BLTP1: variants seen among roughly 807,000 people sequenced by gnomAD.
The protein encoded by BLTP1 is bridge-like lipid transfer protein family member 1.
chr4:122,344,406 C>G, the BLTP1 span: 1 of 1,613,828 alleles, frequency 6.2e-7, no homozygotes, highest in Non-Finnish European at 8.5e-7. Context: ...GAGCCCACTT[C>G]AGTCACTGGT....
chr4:122,260,263 T>G, the BLTP1 span, among the ~76,000 whole-genome samples: 1 of 152,232 alleles, frequency 6.6e-6, no homozygotes, highest in Non-Finnish European at 1.5e-5. Context: ...TATAATCTTA[T>G]GGGTTCACTG....
chr4:122,271,767 A>G, the BLTP1 span: 35 of 1,261,260 alleles, frequency 2.8e-5, 1 homozygote, highest in Non-Finnish European at 3.8e-5. Context: ...ATTTACAATA[A>G]CAATAATACC....
the BLTP1 span, chr4:122,306,697 C>A: frequency 1.1e-6 from 1 of 945,358 alleles, no homozygotes; most frequent in Non-Finnish European, 1.3e-6. Flanking sequence ...TGTGTTTAAA[C>A]ACATAAGTCT....
the BLTP1 span, chr4:122,325,133 CAAATA>C: frequency 3.2e-4 from 393 of 1,231,412 alleles, 1 homozygote; most frequent in African/African-American, 5.6e-3. Flanking sequence ...TAAATACTTA[CAAATA>C]AAATGTCATT....
At chr4:122,160,196 A>G in the BLTP1 span, among the ~76,000 whole-genome samples, 1 of 152,194 alleles carries the variant, frequency 6.6e-6, no homozygotes. Context: ...TGTAATATTC[A>G]TAGGTCCTGC....
chr4:122,325,260 A>G, the BLTP1 span: 1 of 1,609,642 alleles, frequency 6.2e-7, no homozygotes, highest in Non-Finnish European at 8.5e-7. Context: ...AAGAGCTCCC[A>G]GAAATCCGTG....
the BLTP1 span, chr4:122,305,464 T>C: frequency 1.0e-6 from 1 of 973,096 alleles, no homozygotes; most frequent in East Asian, 1.1e-4. Flanking sequence ...AATTATTATG[T>C]AGATTTTAAT....
At chr4:122,152,597 G>C in the BLTP1 span, 11 of 985,538 alleles carry the variant, frequency 1.1e-5, no homozygotes, top group African/African-American at 3.5e-5. Flanking sequence ...GAGGGGATGG[G>C]CCGGGCCAGA....
the BLTP1 span, chr4:122,199,795 C>T: frequency 1.0e-5 from 4 of 386,932 alleles, no homozygotes; most frequent in Non-Finnish European, 1.4e-5. Flanking sequence ...GTTTTCTAGC[C>T]CCGCTGGATT....
At chr4:122,274,263 A>G in the BLTP1 span, 3 of 849,868 alleles carry the variant, frequency 3.5e-6, no homozygotes, top group East Asian at 2.8e-5. Context: ...TGAATATATT[A>G]TGAATAAAAT....
At chr4:122,222,166 G>T in the BLTP1 span, among the ~76,000 whole-genome samples, 1 of 152,108 alleles carries the variant, frequency 6.6e-6, no homozygotes, top group African/African-American at 2.4e-5. Context: ...GAATTTGCTT[G>T]TCTACTTACC....
the BLTP1 span, chr4:122,239,409 G>T: frequency 1.1e-6 from 1 of 935,162 alleles, no homozygotes. Flanking sequence ...TCTTTTACTT[G>T]TAAAGTACAT....
At chr4:122,318,070 T>C in the BLTP1 span, 1 of 1,439,394 alleles carries the variant, frequency 6.9e-7, no homozygotes, top group South Asian at 1.4e-5. Flanking sequence ...CTGACAAGAA[T>C]TAAAAAGGAG....
At chr4:122,349,355 G>GAT in the BLTP1 span, 7 of 1,583,038 alleles carry the variant, frequency 4.4e-6, no homozygotes, top group East Asian at 4.5e-5. This position sits in a 1 kb window ranked among gnomAD's most constrained non-coding sequence, Gnocchi z 4.5. Flanking sequence ...ATATCCTTAA[G>GAT]ATATATATAT....
At chr4:122,165,948 A>G in the BLTP1 span, among the ~76,000 whole-genome samples, 1 of 150,938 alleles carries the variant, frequency 6.6e-6, no homozygotes, top group Non-Finnish European at 1.5e-5. Context: ...AATTTGTTTG[A>G]GTTCATTGTA....
chr4:122,246,193 G>A, the BLTP1 span: 1 of 1,605,436 alleles, frequency 6.2e-7, no homozygotes, highest in African/African-American at 1.3e-5. Context: ...AAACTGAGCA[G>A]TCTACAATAG....
the BLTP1 span, chr4:122,345,987 T>A: frequency 4.1e-6 from 4 of 976,214 alleles, no homozygotes; most frequent in Admixed American, 6.2e-5. Flanking sequence ...GAAATGTCTA[T>A]AGGACATTTA....
chr4:122,234,965 G>A, the BLTP1 span: 1 of 1,613,432 alleles, frequency 6.2e-7, no homozygotes, highest in Non-Finnish European at 8.5e-7. Flanking sequence ...ATTATGGACA[G>A]TCTCTGCTAC....
chr4:122,251,143 T>C, the BLTP1 span: 1 of 971,766 alleles, frequency 1.0e-6, no homozygotes, highest in Non-Finnish European at 1.2e-6. Context: ...TTCCTAACCT[T>C]TTCCTAAGTC....
Sources: allele counts gnomAD v4.1 joint callset (sites outside exome capture counted in the v4.1 genomes callset), GRCh38; gene constraint gnomAD v4.1.1; non-coding constraint Gnocchi (gnomAD v3.1); transcripts MANE v1.5; gene names NCBI Gene and HGNC (gene_info 2026-07-23, HGNC 2026-07-21).